Variants in DLG2 observed in about 807,000 individuals in gnomAD.
The protein encoded by DLG2 is discs large MAGUK scaffold protein 2.
DLG2 carries 45 observed loss-of-function variants against 132.5 expected under a neutral mutation model. The ratio of observed to expected loss-of-function variants is 0.34; its 90% CI spans 0.27 to 0.44. DLG2 has a LOEUF of 0.44. Ranked by LOEUF, DLG2 falls within the 20% of genes least tolerant of loss-of-function variation. The pLI, the probability that DLG2 is intolerant of heterozygous loss-of-function variation, is 1.00. For missense variants in DLG2, 1,045 were observed against 1,196.9 expected (o/e 0.87, Z 1.87); for synonymous variants, 424 against 419.6 (o/e 1.01, Z -0.13).
intron 18 of DLG2, among the ~76,000 whole-genome samples, chr11:83,661,446 T>C (rs182461808): frequency 6.6e-6 from 1 of 152,290 alleles, no homozygotes; most frequent in Non-Finnish European, 1.5e-5. Context: ...CAATATATTA[T>C]TAGTGGGTAA....
intron 6 of DLG2, among the ~76,000 whole-genome samples, chr11:84,791,089 A>C (rs1245159438): frequency 6.6e-6 from 1 of 152,170 alleles, no homozygotes; most frequent in African/African-American, 2.4e-5. Flanking sequence ...ATGTGGTGGC[A>C]GGTGAGATCG....
chr11:85,620,969 G>T (rs999324408), intron 2 of DLG2, among the ~76,000 whole-genome samples: 1 of 152,188 alleles, frequency 6.6e-6, no homozygotes, highest in African/African-American at 2.4e-5. Context: ...AGAAATCAAT[G>T]CCTCATTTCA....
At chr11:83,576,906 T>C (rs2096882113) in intron 19 of DLG2, among the ~76,000 whole-genome samples, 1 of 152,156 alleles carries the variant, frequency 6.6e-6, no homozygotes, top group Non-Finnish European at 1.5e-5. Flanking sequence ...TTTAAACTTC[T>C]TTAAAACAAT....
chr11:84,546,590 G>T (rs2099390339), intron 6 of DLG2: 2 of 465,852 alleles, frequency 4.3e-6, no homozygotes, highest in Admixed American at 2.7e-5. Context: ...AACTGTCTTT[G>T]GTTCCACGAC....
At chr11:85,076,108 C>G (rs150660569) in intron 6 of DLG2, among the ~76,000 whole-genome samples, 43 of 151,946 alleles carry the variant, frequency 2.8e-4, no homozygotes, top group African/African-American at 9.4e-4. Context: ...TGAATTTTTA[C>G]CATGTGTCAG....
chr11:85,279,547 T>C (rs1299428992), intron 4 of DLG2, among the ~76,000 whole-genome samples: 1 of 152,108 alleles, frequency 6.6e-6, no homozygotes, highest in Admixed American at 6.6e-5. Flanking sequence ...TTTCCTTGAC[T>C]GTGCCTTTTC....
chr11:84,453,957 T>C (rs1329395878), intron 7 of DLG2, among the ~76,000 whole-genome samples: 1 of 151,636 alleles, frequency 6.6e-6, no homozygotes, highest in Non-Finnish European at 1.5e-5. Context: ...TTTTCTTTGG[T>C]ATTTGGTGCA....
intron 3 of DLG2, among the ~76,000 whole-genome samples, chr11:85,463,263 A>G (rs779061405): frequency 2.4e-4 from 37 of 152,216 alleles, no homozygotes; most frequent in Non-Finnish European, 4.7e-4. Flanking sequence ...TAATTACTCA[A>G]TAATAACTGC....
chr11:84,541,790 A>G (rs1471785609), intron 6 of DLG2, among the ~76,000 whole-genome samples: 1 of 152,042 alleles, frequency 6.6e-6, no homozygotes, highest in African/African-American at 2.4e-5. Context: ...TTATACTCAT[A>G]CTCATTTTCT....
At chr11:83,997,949 T>C (rs187085815) in intron 11 of DLG2, among the ~76,000 whole-genome samples, 4 of 151,400 alleles carry the variant, frequency 2.6e-5, no homozygotes, top group South Asian at 2.1e-4. Context: ...CTGGCCAACA[T>C]GGTGAAACCC....
At chr11:84,079,994 T>C (rs1335293054) in intron 10 of DLG2, among the ~76,000 whole-genome samples, 1 of 152,196 alleles carries the variant, frequency 6.6e-6, no homozygotes, top group Admixed American at 6.5e-5. Context: ...CTAGATTAGG[T>C]CATGCCATTA....
chr11:84,578,865 T>A (rs1428335638), intron 6 of DLG2, among the ~76,000 whole-genome samples: 1 of 152,090 alleles, frequency 6.6e-6, no homozygotes. Context: ...TTGAATTTTA[T>A]CTCCCAGAAT....
At chr11:84,592,523 A>T (rs571459329) in intron 6 of DLG2, among the ~76,000 whole-genome samples, 1 of 152,306 alleles carries the variant, frequency 6.6e-6, no homozygotes, top group Admixed American at 6.5e-5. Flanking sequence ...CATCAGAGTG[A>T]ACAGGCAAAC....
intron 4 of DLG2, among the ~76,000 whole-genome samples, chr11:85,242,996 C>T (rs79424348): frequency 0.019 from 2,840 of 151,992 alleles, 82 homozygotes; most frequent in African/African-American, 0.063. Context: ...ACCATGGTAA[C>T]GATCCAGGCA....
chr11:85,437,259 A>G (rs2091535664), intron 3 of DLG2, among the ~76,000 whole-genome samples: 1 of 151,954 alleles, frequency 6.6e-6, no homozygotes, highest in South Asian at 2.1e-4. Context: ...TGCCACATGT[A>G]TACCTATGTG....
chr11:83,872,121 G>C (rs1247417596), intron 16 of DLG2, among the ~76,000 whole-genome samples: 1 of 152,122 alleles, frequency 6.6e-6, no homozygotes, highest in Non-Finnish European at 1.5e-5. Context: ...AAAAGTAGCT[G>C]GCGTGGTGGT....
intron 11 of DLG2, among the ~76,000 whole-genome samples, chr11:84,040,925 G>T (rs552802814): frequency 6.6e-6 from 1 of 151,928 alleles, no homozygotes; most frequent in African/African-American, 2.4e-5. Context: ...TCTCCTTGAA[G>T]AGGTCCTTCA....
chr11:84,071,680 G>C (rs2096759570), intron 10 of DLG2, among the ~76,000 whole-genome samples: 1 of 152,118 alleles, frequency 6.6e-6, no homozygotes, highest in African/African-American at 2.4e-5. Context: ...TGCCAGAATG[G>C]TGTTATTGAA....
chr11:83,697,344 A>T (rs1383243475), intron 18 of DLG2, among the ~76,000 whole-genome samples: 1 of 152,244 alleles, frequency 6.6e-6, no homozygotes, highest in Non-Finnish European at 1.5e-5. Context: ...AGGAAAGATT[A>T]CTTTTATGTA....
Sources: gnomAD v4.1 joint callset for allele counts (sites outside exome capture counted in the v4.1 genomes callset) on GRCh38, gnomAD v4.1.1 for gene constraint, MANE v1.5 for transcripts, NCBI Gene and HGNC (gene_info 2026-07-23, HGNC 2026-07-21) for gene names.